The following SLF1 variants were observed in gnomAD, a reference collection of about 807,000 sequenced individuals.
The protein encoded by SLF1 is SMC5/6 complex localization factor 1.
A neutral mutation model predicts 123.0 loss-of-function variants in SLF1; 105 were observed. That is an observed-to-expected ratio of 0.85 (90% CI 0.73 to 1.00). The LOEUF (loss-of-function observed/expected upper bound fraction) is 1.00. SLF1 is among the 50% of genes least tolerant of loss of function. The pLI is 0.00. For synonymous variants in SLF1, 434 were observed against 406.6 expected (o/e 1.07, Z -0.81); for missense variants, 1,239 against 1,223.0 (o/e 1.01, Z -0.20).
intron 4 of SLF1, among the ~76,000 whole-genome samples, chr5:94,635,789 A>T (rs1481762200): frequency 6.6e-6 from 1 of 152,156 alleles, no homozygotes; most frequent in African/African-American, 2.4e-5. Flanking sequence ...TTCTTTTGAT[A>T]GATTTGTCTA....
intron 7 of SLF1, 144 bp downstream of exon 7, chr5:94,651,989 G>T: frequency 2.9e-6 from 1 of 344,890 alleles, no homozygotes; most frequent in Non-Finnish European, 5.0e-6. Context: ...CAGTTTTTAA[G>T]ACCTGCTGTA....
At chr5:94,625,853 TAAC>T (rs1354612034) in intron 1 of SLF1, among the ~76,000 whole-genome samples, 1 of 152,222 alleles carries the variant, frequency 6.6e-6, no homozygotes, top group African/African-American at 2.4e-5. Context: ...TTATTATTTC[TAAC>T]AACAGCATAT....
intron 16 of SLF1, among the ~76,000 whole-genome samples, chr5:94,687,457 G>C (rs992708175): frequency 6.6e-6 from 1 of 152,164 alleles, no homozygotes; most frequent in African/African-American, 2.4e-5. Flanking sequence ...AACACTTTTG[G>C]AAGCTGAGGC....
chr5:94,678,148 C>T (rs1353480623), intron 14 of SLF1, among the ~76,000 whole-genome samples: 2 of 152,124 alleles, frequency 1.3e-5, no homozygotes, highest in East Asian at 1.9e-4. Flanking sequence ...TCTCAATCTC[C>T]TGACCTCGTG....
At chr5:94,690,440 CAG>C (rs1245487840) in intron 18 of SLF1, among the ~76,000 whole-genome samples, 3 of 152,122 alleles carry the variant, frequency 2.0e-5, no homozygotes, top group Admixed American at 6.5e-5. Flanking sequence ...GATGAGAACT[CAG>C]ATATTAATTT....
intron 4 of SLF1, among the ~76,000 whole-genome samples, chr5:94,632,992 A>AT (rs1488592783): frequency 6.9e-6 from 1 of 144,120 alleles, no homozygotes; most frequent in African/African-American, 2.6e-5. Context: ...CCCGACCTTT[A>AT]TTTTTTTAAT....
chr5:94,662,450 T>C (rs1422003205), intron 10 of SLF1, 99 bp downstream of exon 10: 26 of 983,530 alleles, frequency 2.6e-5, no homozygotes, highest in Non-Finnish European at 3.6e-5. Flanking sequence ...GTATGCACAA[T>C]AAAAGGTAAC....
intron 12 of SLF1, among the ~76,000 whole-genome samples, chr5:94,666,834 G>A (rs761078440): frequency 1.3e-5 from 2 of 151,818 alleles, no homozygotes; most frequent in Non-Finnish European, 2.9e-5. Flanking sequence ...TAGTAGAGAT[G>A]GGCTTTTACC....
intron 6 of SLF1, among the ~76,000 whole-genome samples, chr5:94,651,487 A>T (rs1747718225): frequency 6.6e-6 from 1 of 152,230 alleles, no homozygotes; most frequent in Admixed American, 6.5e-5. Context: ...ACTAAAGCAT[A>T]TATGTTAACG....
chr5:94,663,865 C>G lies in SLF1; in HGVS notation c.1325C>G (p.Pro442Arg). 3 of 1,548,018 alleles carry G rather than the reference C, an allele frequency of 1.9e-6. No individual in the cohort carries two copies. Among genetic ancestry groups the G allele is most frequent in the Non-Finnish European group, 2.6e-6 (3 of 1,145,910 alleles). ...TCCACTTTGCAGGCACATTATATCC[C>G]TCCTGTATGCGTTCTTCATGCCCTT... ...ELSTLQAHYI[P>R]PVCVLHALLE... is the part of the protein sequence containing the mutation. Residue 442 changes from proline (P) to arginine (R), a missense_variant, in exon 11 of 21, where the codon CCT becomes CGT. By Grantham distance (103) the Pro-to-Arg change is moderately radical. Transcript: ENST00000265140.
intron 15 of SLF1, among the ~76,000 whole-genome samples, chr5:94,684,232 G>A (rs1227572538): frequency 6.6e-6 from 1 of 152,072 alleles, no homozygotes; most frequent in Non-Finnish European, 1.5e-5. Context: ...AGTACACTCT[G>A]TGATGATAGA....
At chr5:94,686,522 A>C (rs1352259732) in intron 15 of SLF1, 51 bp from the exon 16 acceptor site, 1 of 1,584,280 alleles carries the variant, frequency 6.3e-7, no homozygotes, top group Non-Finnish European at 8.6e-7. Flanking sequence ...CTATGGAAAA[A>C]ATTGTATAGG....
intron 11 of SLF1, among the ~76,000 whole-genome samples, chr5:94,665,067 G>T (rs1390644): frequency 0.22 from 33,859 of 152,120 alleles, 3,893 homozygotes; most frequent in East Asian, 0.34. Context: ...ATAAGATACA[G>T]TCATACATAT....
chr5:94,660,641 C>T (rs1748990506), intron 9 of SLF1, among the ~76,000 whole-genome samples: 1 of 152,192 alleles, frequency 6.6e-6, no homozygotes, highest in Non-Finnish European at 1.5e-5. Flanking sequence ...CCAGATGGCG[C>T]TTGTGGGCAC....
chr5:94,663,931 A>C, intron 11 of SLF1, 23 bp downstream of exon 11: 1 of 1,453,062 alleles, frequency 6.9e-7, no homozygotes. Context: ...TTAAGGATTT[A>C]TAATCTTTTT....
rs566543639 is a variant in SLF1 at position 94,685,508 on chromosome 5, T to TA, written c.1976-1064dup. The stretch of plus-strand genomic sequence containing the variant: ...TCATTTTGTTGCATTTTCATTATGT[T>TA]ACATAGAGAATATTAATAGTTTATA... On this transcript the variant is annotated intron_variant, in intron 15 of 20. Transcript: ENST00000265140. 2.3e-3 allele frequency among the ~76,000 whole-genome samples: 355 copies of TA among 152,286 alleles called. 2 individuals are homozygous for TA. Among genetic ancestry groups the TA allele is most frequent in the African/African-American group, 7.8e-3 (325 of 41,570 alleles).
In SLF1 at chr5:94,630,664, A is replaced by C. The variant is rs2152467097; in HGVS notation, c.352A>C (p.Thr118Pro). The C allele has an allele frequency of 6.4e-7, 1 of 1,551,746 alleles. No individual in the cohort carries two copies. Among genetic ancestry groups the C allele is most frequent in the Non-Finnish European group, 8.7e-7 (1 of 1,147,004 alleles). The part of the protein sequence containing the change: ...PKRWREELKR[T>P]GAPGAFHRWK... ...AAGATGGCGTGAAGAACTGAAACGC[A>C]CTGGTGCTCCAGGAGCCTTCCACAG... Residue 118 changes from threonine to proline, a missense_variant, in exon 4 of 21, where the codon ACT becomes CCT. Coordinates refer to ENST00000265140, the MANE Select transcript of SLF1 (RefSeq NM_032290.4).
intron 1 of SLF1, among the ~76,000 whole-genome samples, chr5:94,627,585 C>CATAT (rs58847356): frequency 0.043 from 3,728 of 86,426 alleles, 181 homozygotes; most frequent in Admixed American, 0.059. Flanking sequence ...ATGAAATTAA[C>CATAT]ATATATATAT....
At chr5:94,678,775 T>C (rs566516832) in intron 14 of SLF1, 33 bp from the exon 15 acceptor site, 1 of 1,547,016 alleles carries the variant, frequency 6.5e-7, no homozygotes, top group Admixed American at 1.7e-5. Flanking sequence ...TATTGTAATA[T>C]ATTTTAGTAA....
Sources: gnomAD v4.1 joint callset for allele counts (sites outside exome capture counted in the v4.1 genomes callset) on GRCh38, gnomAD v4.1.1 for gene constraint, MANE v1.5 for transcripts, NCBI Gene and HGNC (gene_info 2026-07-23, HGNC 2026-07-21) for gene names.